ABCA7: variants seen among roughly 807,000 people sequenced by gnomAD.
The protein encoded by ABCA7 is phospholipid-transporting ATPase ABCA7.
ABCA7 carries 261 observed loss-of-function variants against 227.6 expected under a neutral mutation model. That is an observed-to-expected ratio of 1.15 (90% CI 1.04 to 1.27). The LOEUF (loss-of-function observed/expected upper bound fraction) is 1.27. Among genes scored for constraint, ABCA7 ranks in the 50% most tolerant of loss-of-function variants. The pLI, the probability that ABCA7 is intolerant of heterozygous loss-of-function variation, is 0.00. For missense variants in ABCA7, 3,331 were observed against 2,924.5 expected (o/e 1.14, Z -3.21); for synonymous variants, 1,488 against 1,279.7 (o/e 1.16, Z -3.47).
chr19:1,049,047 C>A, intron 17 of ABCA7, 42 bp downstream of exon 17: 2 of 1,104,528 alleles, frequency 1.8e-6, no homozygotes, highest in Non-Finnish European at 2.6e-6. Flanking sequence ...TCCACATATG[C>A]CCAGTTCCCC....
intron 10 of ABCA7, 90 bp from the exon 11 acceptor site, chr19:1,044,487 A>G (rs2040403022): frequency 2.0e-6 from 3 of 1,471,528 alleles, no homozygotes; most frequent in Non-Finnish European, 2.7e-6. Context: ...ACCTCAGGTG[A>G]TCCACCCGCC....
In ABCA7 at chr19:1,056,762, G is replaced by A; in HGVS notation, c.4587-145G>A. The A allele has an allele frequency of 9.9e-7, 1 of 1,008,712 alleles. No homozygotes were observed. The highest frequency in any genetic ancestry group is 1.6e-5 in the African/African-American group (1 of 62,136). The allele number at this position is 1,008,712 out of a possible 1,614,324, so 62.5% of individuals were successfully genotyped here. Reference sequence around the variant, plus strand: ...TACAACCTCTGCTGCCAAATCCCAGGCACCCTCATCCCTAAATTGCCCCTG... The same window carrying A: ...TACAACCTCTGCTGCCAAATCCCAGACACCCTCATCCCTAAATTGCCCCTG... On this transcript the variant is annotated intron_variant, in intron 33 of 46. Coordinates refer to ENST00000263094, the MANE Select transcript of ABCA7 (RefSeq NM_019112.4). This position sits in a 1 kb window ranked among gnomAD's most constrained non-coding sequence, Gnocchi z 4.3.
chr19:1,060,745 C>T (rs1006258067), intron 40 of ABCA7, among the ~76,000 whole-genome samples: 6 of 152,068 alleles, frequency 3.9e-5, no homozygotes, highest in Non-Finnish European at 8.8e-5. Flanking sequence ...ATCTTGAACT[C>T]TTGACCTCAG....
chr19:1,059,708 C>T (rs1263186073), intron 40 of ABCA7, among the ~76,000 whole-genome samples: 3 of 152,146 alleles, frequency 2.0e-5, no homozygotes, highest in South Asian at 2.1e-4. Flanking sequence ...GGACTGCAGG[C>T]GCCTGCCATC....
chr19:1,060,467 T>C (rs1367864841), intron 40 of ABCA7, among the ~76,000 whole-genome samples: 1 of 151,706 alleles, frequency 6.6e-6, no homozygotes, highest in Non-Finnish European at 1.5e-5. Context: ...CACCTTGGCC[T>C]CCGAAAGTTC....
At chr19:1,063,509 T>A in intron 42 of ABCA7, 35 bp from the exon 43 acceptor site, 1 of 1,604,964 alleles carries the variant, frequency 6.2e-7, no homozygotes, top group Non-Finnish European at 8.5e-7. Flanking sequence ...CTCATCAATA[T>A]GAGTCCCCAT....
chr19:1,052,328 G>A, intron 23 of ABCA7, 42 bp downstream of exon 23: 2 of 1,521,472 alleles, frequency 1.3e-6, no homozygotes, highest in Non-Finnish European at 1.8e-6. Flanking sequence ...TGGGCAGTGG[G>A]GTGGCTGTGC....
Position 1,049,499 on chromosome 19 carries a change from CCACTCCCTCCCCGTGAGCCCCCCA to C in ABCA7, c.2552+64_2552+87del. 5 of 473,292 alleles carry C rather than the reference CCACTCCCTCCCCGTGAGCCCCCCA, an allele frequency of 1.1e-5. 1 individual carries two copies. The highest frequency in any genetic ancestry group is 9.0e-6 in the Non-Finnish European group (3 of 334,352). The allele number at this position is 473,292 out of a possible 1,614,324, so 29.3% of individuals were successfully genotyped here. On this transcript the variant is annotated intron_variant, in intron 18 of 46. Coordinates refer to ENST00000263094, the MANE Select transcript of ABCA7 (RefSeq NM_019112.4). ...CACTCCCACCCCGTGAGCCCCCCCACCACTCCCTCCCCGTGAGCCCCCCACCACTCCCTCCCCGTGAACCCCCCA... is the reference window on the plus strand; with the variant it reads ...CACTCCCACCCCGTGAGCCCCCCCACCCACTCCCTCCCCGTGAACCCCCCA...
chr19:1,064,715 T>G, intron 45 of ABCA7: 1 of 763,074 alleles, frequency 1.3e-6, no homozygotes, highest in Non-Finnish European at 2.0e-6. Flanking sequence ...ACCCCATCTC[T>G]ATAAAAAATT....
chr19:1,055,418 G>T, intron 30 of ABCA7, 67 bp downstream of exon 30: 1 of 1,475,836 alleles, frequency 6.8e-7, no homozygotes, highest in Non-Finnish European at 9.0e-7. Context: ...TGGGGCTGGT[G>T]TGGTCCTGGA....
Position 1,054,735 on chromosome 19 carries a change from G to A in ABCA7, c.3851+41G>A. The A allele has an allele frequency of 6.2e-7, 1 of 1,607,770 alleles. No individual in the cohort carries two copies. Among genetic ancestry groups the A allele is most frequent in the Non-Finnish European group, 8.5e-7 (1 of 1,175,656 alleles). Reference sequence around the variant, plus strand: ...AGGGGCTGGTGGCAGGAAGACTAGGGACCTGGGGGTACAGCCCTGACCCTA... The same window carrying A: ...AGGGGCTGGTGGCAGGAAGACTAGGAACCTGGGGGTACAGCCCTGACCCTA... On this transcript the variant is annotated intron_variant, in intron 28 of 46. Transcript: ENST00000263094. This position sits in a 1 kb window ranked among gnomAD's most constrained non-coding sequence, Gnocchi z 4.8.
At position 1,045,149 on chromosome 19, in the gene ABCA7, C is replaced by T; in HGVS notation, c.1363C>T (p.Pro455Ser). The change falls in exon 12 of 47, where the codon CCA becomes TCA. Residue 455 changes from proline (P) to serine (S), a missense_variant. Coordinates refer to ENST00000263094, the MANE Select transcript of ABCA7 (RefSeq NM_019112.4). The stretch of plus-strand genomic sequence containing the variant: ...TTCAGACCCCACAGAGCACCCAACC[C>T]CAGACCTGGGCCCCGGCCACGTGCG... Reference protein sequence around the residue: ...DSSDPTEHPTPDLGPGHVRIK... With the variant: ...DSSDPTEHPTSDLGPGHVRIK... 6.2e-7 allele frequency: 1 copy of T among 1,612,968 alleles called. No individual in the cohort carries two copies. Among genetic ancestry groups the T allele is most frequent in the African/African-American group, 1.3e-5 (1 of 75,006 alleles).
intron 37 of ABCA7, 83 bp downstream of exon 37, chr19:1,058,352 A>C (rs2042427511): frequency 1.3e-6 from 2 of 1,550,898 alleles, no homozygotes; most frequent in Non-Finnish European, 1.7e-6. Context: ...CAGAGTGGAG[A>C]AAAACAGCCC....
intron 14 of ABCA7, 60 bp from the exon 15 acceptor site, chr19:1,047,096 TG>T: frequency 6.4e-7 from 1 of 1,557,524 alleles, no homozygotes; most frequent in Non-Finnish European, 8.7e-7. Context: ...CGGCCCCACG[TG>T]GGTGCGCGCC....
In ABCA7 at chr19:1,054,256, G is replaced by A. The variant is rs201060968; in HGVS notation, c.3641G>A (p.Trp1214Ter). 2.7e-4 allele frequency: 438 copies of A among 1,609,026 alleles called. 3 individuals are homozygous for A. The highest frequency in any genetic ancestry group is 2.2e-3 in the East Asian group (99 of 44,816). Residue 1214 changes from tryptophan (W) to a stop codon, truncating the protein, a stop_gained, in exon 27 of 47, where the codon TGG becomes TAG. Coordinates refer to ENST00000263094, the MANE Select transcript of ABCA7 (RefSeq NM_019112.4). LOFTEE classifies it high-confidence loss of function. This position sits in a 1 kb window ranked among gnomAD's most constrained non-coding sequence, Gnocchi z 4.8. ...GACGCCGTGGGCCGGGTACAGGGCT[G>A]GGCACTGACCCGCCAGCAGCTCCAG... ...GPDAVGRVQGWALTRQQLQAL... is the reference protein window; with the variant it reads ...GPDAVGRVQG
In ABCA7 at chr19:1,054,529, G is replaced by A; in HGVS notation, c.3727-41G>A. Reference sequence around the variant, plus strand: ...GCAGGGACAGGTGCAAGCAAGCCTGGAGGGTGGATGGAAGCAGCAGCTGAT... The same window carrying A: ...GCAGGGACAGGTGCAAGCAAGCCTGAAGGGTGGATGGAAGCAGCAGCTGAT... On this transcript the variant is annotated intron_variant, in intron 27 of 46. Transcript: ENST00000263094. The surrounding 1 kb of genome is among the most constrained non-coding windows in gnomAD (Gnocchi z 4.8). 1 of 1,596,034 alleles carries A rather than the reference G, an allele frequency of 6.3e-7. No individual in the cohort carries two copies. The highest frequency in any genetic ancestry group is 8.6e-7 in the Non-Finnish European group (1 of 1,169,464).
In ABCA7 at chr19:1,042,472, G is replaced by A. The variant is rs764016385; in HGVS notation, c.498+75G>A. On this transcript the variant is annotated intron_variant, in intron 6 of 46. Transcript: ENST00000263094. ...GGATGTCCTGGCACTGCCCCACCCC[G>A]GGCCAAGGACCTCCCGTTCCAGGCA... is the stretch of plus-strand genomic sequence containing the variant. 7 of 1,564,512 alleles carry A rather than the reference G, an allele frequency of 4.5e-6. No homozygotes were observed. In the East Asian group the frequency reaches 1.1e-4, roughly 25 times the overall value.
rs1363368932 is a variant in ABCA7 at position 1,046,793 on chromosome 19, C to G, written c.1623-9C>G. On this transcript the variant is annotated splice_polypyrimidine_tract_variant and intron_variant, in intron 13 of 46. Coordinates refer to ENST00000263094, the MANE Select transcript of ABCA7 (RefSeq NM_019112.4). ...TCTCCAGCCTCCACCCCAGCCGTCC[C>G]CACCCCAGGTTCCTGCGTGTGCTGA... The G allele has an allele frequency of 1.3e-6, 2 of 1,535,804 alleles. No homozygotes were observed. Among genetic ancestry groups the G allele is most frequent in the African/African-American group, 2.7e-5 (2 of 73,112 alleles).
intron 41 of ABCA7, 57 bp from the exon 42 acceptor site, chr19:1,062,115 C>A: frequency 1.3e-6 from 2 of 1,590,180 alleles, no homozygotes; most frequent in East Asian, 2.2e-5. Flanking sequence ...CTGTGTTAGC[C>A]ACCAGTATGG....
Sources: gnomAD v4.1 joint callset for allele counts (sites outside exome capture counted in the v4.1 genomes callset) on GRCh38, gnomAD v4.1.1 for gene constraint, Gnocchi (gnomAD v3.1) non-coding constraint, MANE v1.5 for transcripts, NCBI Gene and HGNC (gene_info 2026-07-23, HGNC 2026-07-21) for gene names.